Variants in PLXNB1 observed in about 807,000 individuals in gnomAD.
PLXNB1 encodes plexin-B1.
PLXNB1 carries 106 observed loss-of-function variants against 209.4 expected under a neutral mutation model. That is an observed-to-expected ratio of 0.51 (90% confidence interval 0.43 to 0.59). The LOEUF (loss-of-function observed/expected upper bound fraction) is 0.59. PLXNB1 is among the 20% of genes least tolerant of loss of function. The pLI is 0.00. For missense variants in PLXNB1, 2,357 were observed against 2,853.2 expected (o/e 0.83, Z 3.96); for synonymous variants, 1,167 against 1,183.2 (o/e 0.99, Z 0.28).
At chr3:48,427,276 C>T (rs769886567) in intron 1 of PLXNB1, among the ~76,000 whole-genome samples, 15 of 152,144 alleles carry the variant, frequency 9.9e-5, no homozygotes, top group Non-Finnish European at 1.5e-4. Flanking sequence ...CTGAGGAGGT[C>T]GGCCGCTGAC....
Position 48,429,520 on chromosome 3 carries a change from G to C in PLXNB1, c.-60+488C>G, listed in dbSNP as rs1418552547. The stretch of plus-strand genomic sequence containing the variant: ...GCTGCCCTCCCCCCGCCCGCCGCCC[G>C]GGCCAGGCCGGAAGCAGCCCGGAGA... On this transcript the variant is annotated intron_variant, in intron 1 of 37. Coordinates refer to ENST00000296440, the MANE Select transcript of PLXNB1 (RefSeq NM_001130082.3). This position sits in a 1 kb window ranked among gnomAD's most constrained non-coding sequence, Gnocchi z 6.4. 6.6e-6 allele frequency: 1 copy of C among 151,240 alleles called. No individual in the cohort carries two copies. The highest frequency in any genetic ancestry group is 1.5e-5 in the Non-Finnish European group (1 of 67,750). The allele number at this position is 151,240 out of a possible 1,614,324, so 9.4% of individuals were successfully genotyped here.
intron 2 of PLXNB1, 124 bp from the exon 3 acceptor site, chr3:48,424,741 G>A (rs2038794566): frequency 1.0e-6 from 1 of 990,186 alleles, no homozygotes. Flanking sequence ...GGTGAGCAGA[G>A]GAGGACCAGG....
In PLXNB1 at chr3:48,418,035, C is replaced by T. The variant is rs758328241; in HGVS notation, c.3250G>A (p.Gly1084Arg). The T allele has an allele frequency of 1.2e-6, 2 of 1,613,412 alleles. No individual in the cohort carries two copies. Among genetic ancestry groups the T allele is most frequent in the Non-Finnish European group, 1.7e-6 (2 of 1,179,968 alleles). ...SVEPLTGPVD[G>R]GTRVTIRGSN... ...CCCCTGATGGTGACACGGGTGCCTC[C>T]GTCTACAGGCCCAGTCAGTGGCTCC... The change falls in exon 16 of 38, where the codon GGA (glycine) becomes AGA (arginine). Residue 1084 changes from glycine (G) to arginine (R), a missense_variant. Physicochemically the swap from Gly to Arg is moderately radical, Grantham distance 125. This residue lies in a region of PLXNB1 where 743 missense variants were observed against 896.2 expected (regional missense o/e 0.83). Transcript: ENST00000296440. The surrounding 1 kb of genome is among the most constrained non-coding windows in gnomAD (Gnocchi z 6.6).
At chr3:48,428,605 C>T (rs2039015938) in intron 1 of PLXNB1, among the ~76,000 whole-genome samples, 1 of 152,220 alleles carries the variant, frequency 6.6e-6, no homozygotes, top group South Asian at 2.1e-4. Context: ...AGTGGGAAAC[C>T]GGCCTTCCCG....
rs1271356796 is a variant in PLXNB1 at position 48,418,920 on chromosome 3, G to A, written c.2952C>T (p.His984=). 1.2e-6 allele frequency: 2 copies of A among 1,613,890 alleles called. No individual in the cohort carries two copies. Among genetic ancestry groups the A allele is most frequent in the Non-Finnish European group, 1.7e-6 (2 of 1,180,022 alleles). ...DTQCHVTCQQ[H]QLSYEALQPE... is the part of the protein sequence containing the mutation. ...CCCAGGCGCTCATGGTGTGCACCTG[G>A]TGCTGCTGGCAGGTGACATGGCACT... The change falls in exon 13 of 38, where the codon CAC becomes CAT. Residue 984 remains histidine (H), a synonymous_variant. Transcript: ENST00000296440. The surrounding 1 kb of genome is among the most constrained non-coding windows in gnomAD (Gnocchi z 6.6).
In PLXNB1 at chr3:48,411,971, C is replaced by T; in HGVS notation, c.5139G>A (p.Gly1713=). 1 of 1,614,158 alleles carries T rather than the reference C, an allele frequency of 6.2e-7. No homozygotes were observed. Among genetic ancestry groups the T allele is most frequent in the East Asian group, 2.2e-5 (1 of 44,878 alleles). ...GCCCCTTATCCACTTGGTGCTTAAT[C>T]CCTCGAAAGAGCATGTACAGAGGCT... ...VGEPLYMLFR[G]IKHQVDKGPV... The change falls in exon 28 of 38, where the codon GGG becomes GGA. Residue 1713 remains glycine (G), a synonymous_variant. Transcript: ENST00000296440. This position sits in a 1 kb window ranked among gnomAD's most constrained non-coding sequence, Gnocchi z 4.0.
In PLXNB1 at chr3:48,414,932, T is replaced by G. The variant is rs1459350857; in HGVS notation, c.4076A>C (p.Asn1359Thr). 1 of 1,613,874 alleles carries G rather than the reference T, an allele frequency of 6.2e-7. No individual in the cohort carries two copies. The highest frequency in any genetic ancestry group is 1.7e-5 in the Admixed American group (1 of 60,008). The change falls in exon 21 of 38, where the codon AAC (asparagine) becomes ACC (threonine). Residue 1359 changes from asparagine to threonine, a missense_variant. Coordinates refer to ENST00000296440, the MANE Select transcript of PLXNB1 (RefSeq NM_001130082.3). ...CAGTGTTGCAAAGTCAAAGACCAGG[T>G]TGTCAAGGATAAATTCCACCCGGAC... ...PWVRVEFILD[N>T]LVFDFATLNP...
rs774962801 is a variant in PLXNB1 at position 48,409,976 on chromosome 3, G to A, written c.5707C>T (p.Leu1903Phe). 27 of 1,612,632 alleles carry A rather than the reference G, an allele frequency of 1.7e-5. No homozygotes were observed. The highest frequency in any genetic ancestry group is 1.3e-4 in the Admixed American group (8 of 59,906). ...GCGCGCTCACGCTCCCCGCCCCGAA[G>A]GCTGCCCCTCCGAGGCCTGGGCGGC... Reference protein sequence around the residue: ...PEPPRPRRGSLRGGERERAKA... With the variant: ...PEPPRPRRGSFRGGERERAKA... Residue 1903 changes from leucine to phenylalanine, a missense_variant, in exon 32 of 38, where the codon CTT becomes TTT. Physicochemically the swap from Leu to Phe is conservative, Grantham distance 22. Coordinates refer to ENST00000296440, the MANE Select transcript of PLXNB1 (RefSeq NM_001130082.3). The surrounding 1 kb of genome is among the most constrained non-coding windows in gnomAD (Gnocchi z 5.8).
In PLXNB1 at chr3:48,405,997, G is replaced by C; in HGVS notation, c.6229-199C>G. 1 of 529,086 alleles carries C rather than the reference G, an allele frequency of 1.9e-6. No homozygotes were observed. The highest frequency in any genetic ancestry group is 3.4e-6 in the Non-Finnish European group (1 of 290,078). The allele number at this position is 529,086 out of a possible 1,614,324, so 32.8% of individuals were successfully genotyped here. A position where few individuals can be genotyped will look rare whatever the true frequency, so the allele number is the denominator to read the frequency against. ...GGTGTGCCAGATGGGGACAGAACAG[G>C]GTAGAGCAAGGGGGCCTCCTTGGTA... On this transcript the variant is annotated intron_variant, in intron 36 of 37. Coordinates refer to ENST00000296440, the MANE Select transcript of PLXNB1 (RefSeq NM_001130082.3). This position sits in a 1 kb window ranked among gnomAD's most constrained non-coding sequence, Gnocchi z 5.0.
In PLXNB1 at chr3:48,412,428, A is replaced by G. The variant is rs139188659; in HGVS notation, c.5033+14T>C. The G allele has an allele frequency of 1.7e-5, 27 of 1,612,464 alleles. No individual in the cohort carries two copies. The highest frequency in any genetic ancestry group is 2.3e-5 in the Non-Finnish European group (27 of 1,179,222). ...GCTGTCCAGGGCCCACCCAGCCCCA[A>G]CAGCCACACAGACCTGCGCAGCATC... On this transcript the variant is annotated intron_variant, in intron 26 of 37. Transcript: ENST00000296440.
In PLXNB1 at chr3:48,413,421, A is replaced by G; in HGVS notation, c.4535+249T>C. ...CACAACCAGGCCAAATCCATCCCAC[A>G]ACCTATTTTTATAAAGATTTGTTAG... is the stretch of plus-strand genomic sequence containing the variant. On this transcript the variant is annotated intron_variant, in intron 23 of 37. Coordinates refer to ENST00000296440, the MANE Select transcript of PLXNB1 (RefSeq NM_001130082.3). The surrounding 1 kb of genome is among the most constrained non-coding windows in gnomAD (Gnocchi z 5.4). 4 of 600,848 alleles carry G rather than the reference A, an allele frequency of 6.7e-6. No individual in the cohort carries two copies. Among genetic ancestry groups the G allele is most frequent in the Non-Finnish European group, 1.2e-5 (4 of 340,542 alleles). The allele number at this position is 600,848 out of a possible 1,614,324, so 37.2% of individuals were successfully genotyped here. A position where few individuals can be genotyped will look rare whatever the true frequency, so the allele number is the denominator to read the frequency against.
At chr3:48,430,241 C>A (rs538967430), upstream of PLXNB1, among the ~76,000 whole-genome samples, 1 of 152,354 alleles carries the variant, frequency 6.6e-6, no homozygotes, top group South Asian at 2.1e-4. Flanking sequence ...GGGGTGATCC[C>A]ACCTCTAGCG....
chr3:48,409,432 A>T lies in PLXNB1; in HGVS notation c.5984T>A (p.Phe1995Tyr). Residue 1995 changes from phenylalanine (F) to tyrosine (Y), a missense_variant, in exon 34 of 38, where the codon TTT (phenylalanine) becomes TAT (tyrosine). Phe to Tyr is a conservative substitution (Grantham distance 22). Transcript: ENST00000296440. This position sits in a 1 kb window ranked among gnomAD's most constrained non-coding sequence, Gnocchi z 5.8. ...FWINIIKNPQ[F>Y]VFDVQTSDNM... ...ATCAGATGTTTGCACGTCGAACACAAACTGCGGGTTTTTTATTATATTGAT... is the reference window on the plus strand; with the variant it reads ...ATCAGATGTTTGCACGTCGAACACATACTGCGGGTTTTTTATTATATTGAT... 6.2e-7 allele frequency: 1 copy of T among 1,614,164 alleles called. No individual in the cohort carries two copies. Among genetic ancestry groups the T allele is most frequent in the Non-Finnish European group, 8.5e-7 (1 of 1,180,034 alleles).
At chr3:48,420,797 C>T in intron 9 of PLXNB1, 24 bp from the exon 10 acceptor site, 1 of 1,612,958 alleles carries the variant, frequency 6.2e-7, no homozygotes, top group South Asian at 1.1e-5. Flanking sequence ...AGCCATGGGG[C>T]AAGGGTCGCC....
chr3:48,423,995 A>G lies in PLXNB1; in HGVS notation c.617T>C (p.Leu206Pro), dbSNP rs2038726306. 1.2e-6 allele frequency: 2 copies of G among 1,613,090 alleles called. No individual in the cohort carries two copies. The highest frequency in any genetic ancestry group is 1.7e-5 in the Admixed American group (1 of 59,936). Residue 206 changes from leucine (L) to proline (P), a missense_variant, in exon 3 of 38, where the codon CTG becomes CCG. Transcript: ENST00000296440. ...GTACTCGGAGAGGCGGCCCACTGCC[A>G]GCTTGGCTGTCTCCTCATAGGAGAA... ...AAFSYEETAK[L>P]AVGRLSEYSH...
At chr3:48,426,517 C>T (rs1446553866) in intron 1 of PLXNB1, among the ~76,000 whole-genome samples, 1 of 152,208 alleles carries the variant, frequency 6.6e-6, no homozygotes, top group Non-Finnish European at 1.5e-5. Flanking sequence ...GTCGGCTCAT[C>T]CTAGCAGATG....
intron 10 of PLXNB1, 113 bp downstream of exon 10, chr3:48,420,552 C>G (rs2038440542): frequency 1.2e-6 from 1 of 839,118 alleles, no homozygotes; most frequent in Non-Finnish European, 1.9e-6. Context: ...TACAGCGGCT[C>G]TGGTGCTCAG....
At chr3:48,412,080 G>C in intron 27 of PLXNB1, 71 bp from the exon 28 acceptor site, 1 of 1,560,882 alleles carries the variant, frequency 6.4e-7, no homozygotes, top group Non-Finnish European at 8.8e-7. Flanking sequence ...GCACACTGGG[G>C]AAGGGGACAG....
chr3:48,414,135 T>C, intron 21 of PLXNB1, 64 bp from the exon 22 acceptor site: 1 of 1,535,552 alleles, frequency 6.5e-7, no homozygotes, highest in Non-Finnish European at 9.0e-7. Context: ...CCTCCCCAAA[T>C]GTGGGAAGGA....
Sources: gnomAD v4.1 joint callset for allele counts (sites outside exome capture counted in the v4.1 genomes callset) on GRCh38, gnomAD v4.1.1 for gene constraint, gnomAD v4.1.1 regional missense constraint, Gnocchi (gnomAD v3.1) non-coding constraint, MANE v1.5 for transcripts, NCBI Gene and HGNC (gene_info 2026-07-23, HGNC 2026-07-21) for gene names.